USP9X: variants seen among roughly 807,000 people sequenced by gnomAD.
USP9X encodes the protein ubiquitin specific peptidase 9 X-linked, also known as ubiquitin carboxyl-terminal hydrolase 9X.
USP9X carries 7 observed loss-of-function variants against 190.3 expected under a neutral mutation model. The observed-to-expected ratio is 0.04, with a 90% CI of 0.02 to 0.07. The LOEUF (loss-of-function observed/expected upper bound fraction) is 0.07. Ranked by LOEUF, USP9X falls within the 10% of genes least tolerant of loss-of-function variation. The pLI, the probability that USP9X is intolerant of heterozygous loss-of-function variation, is 1.00. For synonymous variants in USP9X, 645 were observed against 659.5 expected, an observed-to-expected ratio of 0.98 and a Z score of 0.34; for missense variants, 1,010 against 1,916.9, an observed-to-expected ratio of 0.53 and a Z score of 8.83.
At position 41,218,521 on chromosome X, in the gene USP9X, T is replaced by C. The variant is rs1335823796; in HGVS notation, c.6359T>C (p.Ile2120Thr). ...GTGAGGGGTGCGTTTGCAAAACTTATAGTCTTTATTGCACATTTTTCCTTG... is the reference window on the plus strand; with the variant it reads ...GTGAGGGGTGCGTTTGCAAAACTTACAGTCTTTATTGCACATTTTTCCTTG... ...AEVRGAFAKLIVFIAHFSLQD... is the reference protein window; with the variant it reads ...AEVRGAFAKLTVFIAHFSLQD... The change falls in exon 37 of 45, where the codon ATA (isoleucine) becomes ACA (threonine). Residue 2120 changes from isoleucine to threonine, a missense_variant. Around this residue, in one of 11 missense-constraint regions of USP9X, gnomAD observed 121 missense variants for 281.2 expected, o/e 0.43. Transcript: ENST00000378308. The C allele has an allele frequency of 2.0e-5, 24 of 1,210,082 alleles. No homozygotes were observed. Among genetic ancestry groups the C allele is most frequent in the Non-Finnish European group, 2.3e-5 (21 of 895,336 alleles).
At chrX:41,148,291 A>G in intron 11 of USP9X, 78 bp from the exon 12 acceptor site, 1 of 1,052,419 alleles carries the variant, frequency 9.5e-7, no homozygotes, top group South Asian at 2.0e-5. Context: ...GATGAATTTG[A>G]ATATAGTTAA....
chrX:41,141,472 T>G (rs747613944), intron 9 of USP9X, 41 bp downstream of exon 9: 66 of 1,091,986 alleles, frequency 6.0e-5, no homozygotes, highest in Non-Finnish European at 7.3e-5. Context: ...AAGAATCTAC[T>G]TAAGACAAGA....
chrX:41,138,466 G>A (rs774251711), intron 6 of USP9X, among the ~76,000 whole-genome samples: 16 of 112,085 alleles, frequency 1.4e-4, no homozygotes, highest in East Asian at 2.8e-4. Flanking sequence ...TTACCTTTGA[G>A]AAATTTGAGT....
At position 41,181,276 on chromosome X, in the gene USP9X, T is replaced by C. The variant is rs181150003; in HGVS notation, c.3149-2722T>C. The stretch of plus-strand genomic sequence containing the variant: ...CTTAAATGCTATTTCTCATTTCTTT[T>C]TTTTTTTTTTTTTTTTTAAAGAGAG... On this transcript the variant is annotated intron_variant, in intron 21 of 44. Transcript: ENST00000378308. 9.2e-3 allele frequency among the ~76,000 whole-genome samples: 920 copies of C among 99,496 alleles called. 16 individuals are homozygous for C. Among genetic ancestry groups the C allele is most frequent in the African/African-American group, 0.032 (879 of 27,294 alleles). 86.4% of individuals were successfully genotyped at this position (99,496 alleles called of 115,157 possible). A position where few individuals can be genotyped will look rare whatever the true frequency, so the allele number is the denominator to read the frequency against.
intron 1 of USP9X, among the ~76,000 whole-genome samples, chrX:41,109,641 A>G (rs1220680163): frequency 8.9e-6 from 1 of 112,319 alleles, no homozygotes; most frequent in African/African-American, 3.2e-5. Context: ...AGTGTTGGAA[A>G]TAAAATACGA....
At chrX:41,160,363 C>T (rs934477913) in intron 14 of USP9X, among the ~76,000 whole-genome samples, 3 of 109,685 alleles carry the variant, frequency 2.7e-5, no homozygotes, top group African/African-American at 9.9e-5. Flanking sequence ...TTGGAAGCTT[C>T]TCTGTAGTAA....
chrX:41,090,188 T>C (rs1028908540), intron 1 of USP9X, among the ~76,000 whole-genome samples: 3 of 109,904 alleles, frequency 2.7e-5, no homozygotes, highest in Non-Finnish European at 5.7e-5. Flanking sequence ...ATTCCCGGCA[T>C]GAGCGACTGG....
chrX:41,125,194 G>T (rs2062226083), intron 2 of USP9X, among the ~76,000 whole-genome samples: 1 of 110,377 alleles, frequency 9.1e-6, no homozygotes, highest in African/African-American at 3.3e-5. Flanking sequence ...TCCTGCCTCA[G>T]CCTCTCGAGT....
intron 33 of USP9X, among the ~76,000 whole-genome samples, chrX:41,211,549 TAA>T (rs1344121185): frequency 1.8e-5 from 2 of 113,689 alleles, no homozygotes; most frequent in Non-Finnish European, 3.7e-5. Flanking sequence ...AAACCTATTG[TAA>T]AAAAAGATTT....
At chrX:41,094,105 G>GA (rs1277549412) in intron 1 of USP9X, among the ~76,000 whole-genome samples, 3 of 111,372 alleles carry the variant, frequency 2.7e-5, no homozygotes, top group African/African-American at 9.8e-5. Flanking sequence ...ATGCTGAGCT[G>GA]AGGCAAGAGG....
In USP9X at chrX:41,217,333, G is replaced by T; in HGVS notation, c.6199G>T (p.Ala2067Ser). Reference sequence around the variant, plus strand: ...CACAAAGAAAGTAGTCCGTGGCTCTGCCAGTGATTGGTACATTGCTTTGGA... The same window carrying T: ...CACAAAGAAAGTAGTCCGTGGCTCTTCCAGTGATTGGTACATTGCTTTGGA... Reference protein sequence around the residue: ...FHTKKVVRGSASDWYDALCIL... With the variant: ...FHTKKVVRGSSSDWYDALCIL... Residue 2067 changes from alanine to serine, a missense_variant, in exon 36 of 45, where the codon GCC becomes TCC. By Grantham distance (99) the Ala-to-Ser change is moderately conservative (BLOSUM62 1). Coordinates refer to ENST00000378308, the MANE Select transcript of USP9X (RefSeq NM_001039591.3). 1 of 1,206,743 alleles carries T rather than the reference G, an allele frequency of 8.3e-7. No homozygotes were observed.
rs763878589 is a variant in USP9X at position 41,166,226 on chromosome X, G to A, written c.2328+12G>A. ...ATTACCTTTGGAGGGTAAGTCAAAA[G>A]TAGGAACTCTGTAAATGGTGTCTGA... On this transcript the variant is annotated intron_variant, in intron 16 of 44. Transcript: ENST00000378308. The A allele has an allele frequency of 1.3e-5, 15 of 1,112,266 alleles. No homozygotes were observed. In the East Asian group the frequency reaches 4.2e-4, roughly 31 times the overall value. The allele number at this position is 1,112,266 out of a possible 1,213,427, so 91.7% of individuals were successfully genotyped here.
Position 41,121,683 on chromosome X carries a change from A to C in USP9X, c.-158-1788A>C, listed in dbSNP as rs115686193. 7.4e-3 allele frequency among the ~76,000 whole-genome samples: 826 copies of C among 111,409 alleles called. 4 individuals are homozygous for C. The highest frequency in any genetic ancestry group is 0.025 in the African/African-American group (755 of 30,628). On this transcript the variant is annotated intron_variant, in intron 1 of 44. Coordinates refer to ENST00000378308, the MANE Select transcript of USP9X (RefSeq NM_001039591.3). ...TAGAACCAATCAGTTAAGTTTCTCT[A>C]TCTGGTGGCACCTTAGAGTCATTCA...
intron 18 of USP9X, 114 bp downstream of exon 18, chrX:41,168,332 A>G (rs1380812917): frequency 1.6e-6 from 1 of 637,290 alleles, no homozygotes; most frequent in Non-Finnish European, 2.2e-6. Context: ...GTCTTTGCCC[A>G]TTAAAAACAT....
At chrX:41,172,427 T>G (rs1403373081) in intron 21 of USP9X, among the ~76,000 whole-genome samples, 1 of 112,070 alleles carries the variant, frequency 8.9e-6, no homozygotes, top group African/African-American at 3.2e-5. Flanking sequence ...TTTTTATCCT[T>G]AGAAACAACC....
intron 14 of USP9X, among the ~76,000 whole-genome samples, chrX:41,160,287 A>T (rs774049436): frequency 1.4e-3 from 155 of 109,304 alleles, no homozygotes; most frequent in Middle Eastern, 9.5e-3. Context: ...TTTGAACTGA[A>T]TATTTACTAC....
At chrX:41,130,418 A>G (rs2062298728) in intron 3 of USP9X, among the ~76,000 whole-genome samples, 1 of 109,040 alleles carries the variant, frequency 9.2e-6, no homozygotes, top group African/African-American at 3.3e-5. Context: ...GTTGCATATT[A>G]TTAGCAAGTT....
At chrX:41,138,168 A>G (rs1055638219) in intron 6 of USP9X, among the ~76,000 whole-genome samples, 4 of 111,782 alleles carry the variant, frequency 3.6e-5, no homozygotes, top group Admixed American at 1.9e-4. Flanking sequence ...TTTACTTGCT[A>G]TTGAAGTAAG....
chrX:41,157,308 T>C (rs1165069828), intron 14 of USP9X, among the ~76,000 whole-genome samples: 1 of 111,353 alleles, frequency 9.0e-6, no homozygotes, highest in Non-Finnish European at 1.9e-5. Flanking sequence ...CGAATGAGCA[T>C]AGGACAAAAA....
Sources: gnomAD v4.1 joint callset for allele counts (sites outside exome capture counted in the v4.1 genomes callset) on GRCh38, gnomAD v4.1.1 for gene constraint, gnomAD v4.1.1 regional missense constraint, MANE v1.5 for transcripts, NCBI Gene and HGNC (gene_info 2026-07-23, HGNC 2026-07-21) for gene names.